The following LAMA2 variants were observed in gnomAD, a reference collection of about 807,000 sequenced individuals.
LAMA2 encodes laminin subunit alpha 2.
A neutral mutation model predicts 364.8 loss-of-function variants in LAMA2; 269 were observed. That is an observed-to-expected ratio of 0.74 (90% CI 0.67 to 0.82). The LOEUF is 0.82. Ranked by LOEUF, LAMA2 falls within the 40% of genes least tolerant of loss-of-function variation. The pLI, the probability that LAMA2 is intolerant of heterozygous loss-of-function variation, is 0.00. For missense variants in LAMA2, 3,807 were observed against 3,873.2 expected (o/e 0.98, Z 0.45); for synonymous variants, 1,379 against 1,370.6 (o/e 1.01, Z -0.14).
intron 12 of LAMA2, among the ~76,000 whole-genome samples, chr6:129,211,264 CACAGAAAATGTGGCATGTGTCAGA>C (rs1783081629): frequency 6.6e-6 from 1 of 152,102 alleles, no homozygotes; most frequent in African/African-American, 2.4e-5. Context: ...CAAACCCAGC[CACAGAAAATGTGGCATGTGTCAGA>C]GCAAAGCAAC....
chr6:129,478,944 A>G, intron 54 of LAMA2, 131 bp downstream of exon 54: 2 of 830,448 alleles, frequency 2.4e-6, no homozygotes, highest in South Asian at 2.8e-5. Context: ...CTTAAACGAT[A>G]AAGCAAGATT....
At chr6:128,966,970 T>A (rs1450337754) in intron 1 of LAMA2, among the ~76,000 whole-genome samples, 2 of 152,202 alleles carry the variant, frequency 1.3e-5, no homozygotes, top group Non-Finnish European at 2.9e-5. Flanking sequence ...ATAATACAGC[T>A]AGTGAAGGTC....
In LAMA2 at chr6:129,059,901, A is replaced by T; in HGVS notation, c.396+5A>T. 1 of 1,457,286 alleles carries T rather than the reference A, an allele frequency of 6.9e-7. No homozygotes were observed. Among genetic ancestry groups the T allele is most frequent in the Non-Finnish European group, 9.6e-7 (1 of 1,036,900 alleles). The allele number at this position is 1,457,286 out of a possible 1,614,324, so 90.3% of individuals were successfully genotyped here. A position where few individuals can be genotyped will look rare whatever the true frequency, so the allele number is the denominator to read the frequency against. ...ATTACCCTGGATTTACAGCAGGTAT[A>T]GTTCCTCTTTTTTTGTCATTTCCAC... On this transcript the variant is annotated splice_donor_5th_base_variant and intron_variant, in intron 3 of 64. Transcript: ENST00000421865.
intron 54 of LAMA2, 94 bp downstream of exon 54, chr6:129,478,907 A>G: frequency 8.7e-7 from 1 of 1,150,416 alleles, no homozygotes. Context: ...TTTTGTTAAT[A>G]TATTTTACTT....
intron 1 of LAMA2, among the ~76,000 whole-genome samples, chr6:129,021,521 G>C (rs1030605512): frequency 6.6e-6 from 1 of 152,140 alleles, no homozygotes; most frequent in African/African-American, 2.4e-5. Context: ...AAGCTCTCAT[G>C]TTATTTTTCT....
chr6:129,393,312 G>T lies in LAMA2; in HGVS notation c.5445+57G>T. 6 of 1,289,666 alleles carry T rather than the reference G, an allele frequency of 4.7e-6. No homozygotes were observed. The South Asian group carries it at 4.8e-5, about 10-fold the overall frequency. 79.9% of individuals were successfully genotyped at this position (1,289,666 alleles called of 1,614,324 possible). A position where few individuals can be genotyped will look rare whatever the true frequency, so the allele number is the denominator to read the frequency against. On this transcript the variant is annotated intron_variant, in intron 37 of 64. Transcript: ENST00000421865. ...CAGAAGGTTGGGGACTGCGGGGGCAGTGTTGAACATGGCTGGACTATTCAA... is the reference window on the plus strand; with the variant it reads ...CAGAAGGTTGGGGACTGCGGGGGCATTGTTGAACATGGCTGGACTATTCAA...
chr6:129,228,470 T>G (rs1441604218), intron 12 of LAMA2, among the ~76,000 whole-genome samples: 1 of 152,174 alleles, frequency 6.6e-6, no homozygotes, highest in East Asian at 1.9e-4. Flanking sequence ...ATTATACTGG[T>G]TTCTAAAAAA....
chr6:129,263,726 A>T (rs1320011182), intron 15 of LAMA2, among the ~76,000 whole-genome samples: 1 of 152,020 alleles, frequency 6.6e-6, no homozygotes, highest in Admixed American at 6.6e-5. Context: ...TCTGATTTAC[A>T]TTTTTGGGTT....
chr6:129,390,905 T>A (rs1562520124), intron 35 of LAMA2, among the ~76,000 whole-genome samples: 2 of 152,192 alleles, frequency 1.3e-5, no homozygotes, highest in Admixed American at 6.5e-5. Flanking sequence ...TTGTGAAGGA[T>A]GCTATTGCTG....
chr6:128,934,077 A>G (rs1779662694), intron 1 of LAMA2, among the ~76,000 whole-genome samples: 1 of 152,186 alleles, frequency 6.6e-6, no homozygotes, highest in Admixed American at 6.5e-5. Flanking sequence ...CAGGTCATAC[A>G]TTTCAGTCTT....
intron 7 of LAMA2, among the ~76,000 whole-genome samples, chr6:129,149,496 A>G (rs1778668695): frequency 6.6e-6 from 1 of 152,188 alleles, no homozygotes; most frequent in South Asian, 2.1e-4. Flanking sequence ...CAGCTCACTA[A>G]GTATATATGG....
chr6:129,231,454 G>A (rs1262539097), intron 12 of LAMA2, among the ~76,000 whole-genome samples: 1 of 152,048 alleles, frequency 6.6e-6, no homozygotes, highest in East Asian at 1.9e-4. Context: ...TTTTCCCACA[G>A]TGCCATGAAG....
At chr6:129,491,869 C>CTT in intron 56 of LAMA2, 32 bp from the exon 57 acceptor site, 1 of 1,503,596 alleles carries the variant, frequency 6.7e-7, no homozygotes, top group Non-Finnish European at 9.2e-7. Context: ...TCAGATGTGA[C>CTT]TTATACTTGT....
At chr6:129,217,621 A>G (rs1161793833) in intron 12 of LAMA2, among the ~76,000 whole-genome samples, 1 of 152,212 alleles carries the variant, frequency 6.6e-6, no homozygotes, top group Non-Finnish European at 1.5e-5. Context: ...CTCTGTTCCT[A>G]TTAAAACAAG....
chr6:129,059,369 G>T (rs1171867146), intron 2 of LAMA2, among the ~76,000 whole-genome samples: 1 of 152,072 alleles, frequency 6.6e-6, no homozygotes, highest in Non-Finnish European at 1.5e-5. Context: ...CACAAGTCAG[G>T]ATTTTATGTT....
chr6:128,988,400 G>GT (rs1299006754), intron 1 of LAMA2, among the ~76,000 whole-genome samples: 2 of 151,848 alleles, frequency 1.3e-5, no homozygotes, highest in East Asian at 3.8e-4. Flanking sequence ...GTACTTTTAG[G>GT]TAAAAAAAAA....
Position 129,403,959 on chromosome 6 carries a change from G to A in LAMA2, c.5865G>A (p.Leu1955=). ...ATCTTGCACATGAAGCTACAAAACTGGTAAGAAACAAATGGCACATGTGCT... is the reference window on the plus strand; with the variant it reads ...ATCTTGCACATGAAGCTACAAAACTAGTAAGAAACAAATGGCACATGTGCT... ...AKDLAHEATK[L]ATGPRGLLKE... is the part of the protein sequence containing the mutation. Residue 1955 remains leucine (L), a splice_region_variant and synonymous_variant, in exon 40 of 65, where the codon CTG becomes CTA. Transcript: ENST00000421865. The A allele has an allele frequency of 6.2e-7, 1 of 1,613,734 alleles. No individual in the cohort carries two copies. Among genetic ancestry groups the A allele is most frequent in the Non-Finnish European group, 8.5e-7 (1 of 1,179,788 alleles).
intron 1 of LAMA2, among the ~76,000 whole-genome samples, chr6:128,909,124 T>G (rs1265855997): frequency 6.6e-6 from 1 of 151,420 alleles, no homozygotes; most frequent in African/African-American, 2.4e-5. Context: ...TGATTTGGGG[T>G]GGAGAGTTCT....
chr6:129,416,592 G>A (rs972668805), intron 40 of LAMA2, among the ~76,000 whole-genome samples: 1 of 152,178 alleles, frequency 6.6e-6, no homozygotes, highest in Non-Finnish European at 1.5e-5. Context: ...GCCCCAGCAT[G>A]TGGGGGCTTG....
Sources: gnomAD v4.1 joint callset for allele counts (sites outside exome capture counted in the v4.1 genomes callset) on GRCh38, gnomAD v4.1.1 for gene constraint, MANE v1.5 for transcripts, NCBI Gene and HGNC (gene_info 2026-07-23, HGNC 2026-07-21) for gene names.